ENTHD1: variants seen among roughly 807,000 people sequenced by gnomAD.
ENTHD1 encodes ENTH domain containing 1.
A neutral mutation model predicts 39.1 loss-of-function variants in ENTHD1; 23 were observed. The ratio of observed to expected loss-of-function variants is 0.59; its 90% CI spans 0.42 to 0.83. The LOEUF (loss-of-function observed/expected upper bound fraction) is 0.83, where lower values mean the gene tolerates loss of function less well. Ranked by LOEUF, ENTHD1 falls within the 40% of genes least tolerant of loss-of-function variation. The probability of loss-of-function intolerance (pLI) is 0.00; values close to 1 mark genes in which losing one functional copy is unlikely to be tolerated. For missense variants in ENTHD1, 624 were observed against 705.4 expected (o/e 0.88, Z 1.31); for synonymous variants, 230 against 258.2 (o/e 0.89, Z 1.05).
At chr22:39,745,459 G>A (rs1285387345) in intron 6 of ENTHD1, among the ~76,000 whole-genome samples, 4 of 152,168 alleles carry the variant, frequency 2.6e-5, no homozygotes, top group African/African-American at 9.7e-5. Context: ...GGCCAGGGCA[G>A]GCAGCTTCTA....
intron 3 of ENTHD1, among the ~76,000 whole-genome samples, chr22:39,838,537 T>C (rs1004401987): frequency 6.6e-6 from 1 of 152,098 alleles, no homozygotes; most frequent in Non-Finnish European, 1.5e-5. Context: ...ATAAATAAAA[T>C]AGAGGCAGGA....
At chr22:39,808,431 G>C (rs1288906184) in intron 5 of ENTHD1, among the ~76,000 whole-genome samples, 3 of 152,204 alleles carry the variant, frequency 2.0e-5, no homozygotes, top group Non-Finnish European at 4.4e-5. Context: ...TAGGCATTTA[G>C]TAAATTTCTG....
At chr22:39,756,629 G>A (rs969295309) in intron 6 of ENTHD1, among the ~76,000 whole-genome samples, 4 of 151,844 alleles carry the variant, frequency 2.6e-5, no homozygotes, top group African/African-American at 4.8e-5. Flanking sequence ...CACAGTGCCC[G>A]GTCACACACA....
At chr22:39,810,532 C>T (rs2065677139) in intron 5 of ENTHD1, among the ~76,000 whole-genome samples, 1 of 152,144 alleles carries the variant, frequency 6.6e-6, no homozygotes, top group South Asian at 2.1e-4. Context: ...TATAATTATA[C>T]CACTTCCCCT....
chr22:39,786,600 C>A (rs1025582095), intron 5 of ENTHD1, among the ~76,000 whole-genome samples: 1 of 152,032 alleles, frequency 6.6e-6, no homozygotes, highest in Non-Finnish European at 1.5e-5. Context: ...TGAATAATTT[C>A]TTGGCACCTA....
At chr22:39,744,427 A>G (rs1439234841) in intron 6 of ENTHD1, 144 bp from the exon 7 acceptor site, 1 of 725,700 alleles carries the variant, frequency 1.4e-6, no homozygotes, top group Non-Finnish European at 2.0e-6. Flanking sequence ...ACTATTCATA[A>G]TAAGCTTAAA....
rs114795930 is a variant in ENTHD1, at chr22:39,817,628, G to C, written c.832+3365C>G. Among the ~76,000 whole-genome samples, 91 of 152,174 alleles carry C rather than the reference G, an allele frequency of 6.0e-4. 1 individual carries two copies. Among genetic ancestry groups the C allele is most frequent in the African/African-American group, 2.1e-3 (86 of 41,512 alleles). On this transcript the variant is annotated intron_variant, in intron 5 of 6. Coordinates refer to ENST00000325157, the MANE Select transcript of ENTHD1 (RefSeq NM_152512.4). ...GTTGGGGTAAGGGACAGTCAAGGGA[G>C]CTTTTGACTTTCTCTGTATTTGAAT...
chr22:39,865,743 T>C (rs1407273730), intron 2 of ENTHD1, among the ~76,000 whole-genome samples: 5 of 152,170 alleles, frequency 3.3e-5, no homozygotes, highest in Non-Finnish European at 7.4e-5. Flanking sequence ...AAAATAAAGC[T>C]ATATACAGTT....
In ENTHD1 at chr22:39,743,745, A is replaced by C. The variant is rs1332153981; in HGVS notation, c.1758T>G (p.Asn586Lys). The C allele has an allele frequency of 6.2e-7, 1 of 1,614,208 alleles. No individual in the cohort carries two copies. The highest frequency in any genetic ancestry group is 2.2e-5 in the East Asian group (1 of 44,894). ...INNILMSMSL[N>K]SSQISQSSQV... is the part of the protein sequence containing the mutation. ...GGGAAGACTGGCTTATTTGTGAACT[A>C]TTCAGACTCATGCTCATCAAGATGT... Residue 586 changes from asparagine to lysine, a missense_variant, in exon 7 of 7, where the codon AAT becomes AAG. Transcript: ENST00000325157.
chr22:39,837,554 G>C (rs921430757), intron 3 of ENTHD1, among the ~76,000 whole-genome samples: 1 of 152,134 alleles, frequency 6.6e-6, no homozygotes, highest in Non-Finnish European at 1.5e-5. Context: ...AAAAACTAAT[G>C]GTCTGTCTGT....
At chr22:39,801,873 C>T (rs1172358660) in intron 5 of ENTHD1, among the ~76,000 whole-genome samples, 1 of 151,850 alleles carries the variant, frequency 6.6e-6, no homozygotes, top group Non-Finnish European at 1.5e-5. Flanking sequence ...CAACCATCAT[C>T]CAGAAAGCAC....
chr22:39,859,481 G>T (rs765965452), intron 3 of ENTHD1, among the ~76,000 whole-genome samples: 1 of 152,130 alleles, frequency 6.6e-6, no homozygotes, highest in Admixed American at 6.5e-5. Context: ...AGAAACCTGC[G>T]ACTCTTCCTT....
At chr22:39,878,578 A>G (rs1051446241) in intron 2 of ENTHD1, among the ~76,000 whole-genome samples, 1 of 152,134 alleles carries the variant, frequency 6.6e-6, no homozygotes, top group Non-Finnish European at 1.5e-5. Context: ...ATTACATTCA[A>G]CTTCTCAGAA....
chr22:39,774,780 T>G (rs1265374402), intron 5 of ENTHD1, among the ~76,000 whole-genome samples: 2 of 152,210 alleles, frequency 1.3e-5, no homozygotes, highest in African/African-American at 4.8e-5. Flanking sequence ...GTCTTCAAAT[T>G]CTATGCTCCC....
intron 2 of ENTHD1, among the ~76,000 whole-genome samples, chr22:39,872,800 A>T (rs1196188471): frequency 6.6e-6 from 1 of 152,024 alleles, no homozygotes. Flanking sequence ...GAAAATGAAA[A>T]GCTACAATGG....
chr22:39,756,162 G>A (rs1227769116), intron 6 of ENTHD1, among the ~76,000 whole-genome samples: 1 of 152,064 alleles, frequency 6.6e-6, no homozygotes, highest in Non-Finnish European at 1.5e-5. Context: ...GTGGCCCTCC[G>A]TCATGGAGCC....
intron 3 of ENTHD1, among the ~76,000 whole-genome samples, chr22:39,845,145 G>A (rs1482045687): frequency 6.7e-6 from 1 of 149,818 alleles, no homozygotes; most frequent in East Asian, 2.0e-4. Context: ...ATGGCGGGAA[G>A]AGTCAAGAAA....
intron 1 of ENTHD1, among the ~76,000 whole-genome samples, chr22:39,892,215 A>C (rs965693279): frequency 6.6e-6 from 1 of 152,242 alleles, no homozygotes; most frequent in African/African-American, 2.4e-5. Context: ...ATGATTACGT[A>C]GAAAAGGTCT....
At chr22:39,784,541 T>TACACACAC (rs1491271199) in intron 5 of ENTHD1, among the ~76,000 whole-genome samples, 4 of 115,270 alleles carry the variant, frequency 3.5e-5, no homozygotes, top group African/African-American at 1.5e-4. Flanking sequence ...TCTCTCTCTG[T>TACACACAC]ATACACACAC....
Sources: gnomAD v4.1 joint callset for allele counts (sites outside exome capture counted in the v4.1 genomes callset) on GRCh38, gnomAD v4.1.1 for gene constraint, MANE v1.5 for transcripts, NCBI Gene and HGNC (gene_info 2026-07-23, HGNC 2026-07-21) for gene names.